Variants in SLIT2 observed in about 807,000 individuals in gnomAD.
SLIT2 encodes slit guidance ligand 2.
In SLIT2, 41 loss-of-function variants were observed where a neutral mutation model predicts 185.7. The ratio of observed to expected loss-of-function variants is 0.22; its 90% CI spans 0.17 to 0.29. The LOEUF is 0.29. Among genes scored for constraint, SLIT2 ranks in the 10% least tolerant of loss-of-function variants. SLIT2 has a pLI of 1.00. For synonymous variants in SLIT2, 693 were observed against 680.2 expected (o/e 1.02, Z -0.29); for missense variants, 1,571 against 1,909.0 (o/e 0.82, Z 3.30).
intron 9 of SLIT2, among the ~76,000 whole-genome samples, chr4:20,495,518 C>T (rs1271462100): frequency 6.6e-6 from 1 of 152,074 alleles, no homozygotes; most frequent in Non-Finnish European, 1.5e-5. Flanking sequence ...CTTATGTAGT[C>T]TATTTTATTT....
intron 4 of SLIT2, among the ~76,000 whole-genome samples, chr4:20,459,423 G>T (rs1016278401): frequency 2.0e-5 from 3 of 152,126 alleles, no homozygotes; most frequent in Non-Finnish European, 4.4e-5. Flanking sequence ...ATAGGAGTGA[G>T]GGTGAGAAAA....
chr4:20,551,272 T>C (rs1723721054), intron 25 of SLIT2, among the ~76,000 whole-genome samples: 1 of 152,190 alleles, frequency 6.6e-6, no homozygotes, highest in East Asian at 1.9e-4. Context: ...TATCACCTTC[T>C]CTATGAAGCC....
intron 5 of SLIT2, among the ~76,000 whole-genome samples, chr4:20,471,659 A>T (rs1715033082): frequency 6.6e-6 from 1 of 152,196 alleles, no homozygotes; most frequent in Non-Finnish European, 1.5e-5. Flanking sequence ...CTTAGAGCAA[A>T]TTCCAGTGTT....
chr4:20,515,386 ATTCTT>A (rs1553916019), intron 11 of SLIT2, among the ~76,000 whole-genome samples: 1 of 151,984 alleles, frequency 6.6e-6, no homozygotes, highest in Non-Finnish European at 1.5e-5. Context: ...CTCTTTTCCC[ATTCTT>A]TTCATTAGCC....
chr4:20,327,278 G>A (rs1302391714), intron 4 of SLIT2, among the ~76,000 whole-genome samples: 1 of 151,986 alleles, frequency 6.6e-6, no homozygotes, highest in African/African-American at 2.4e-5. Flanking sequence ...AATTGAGAAT[G>A]ATACCTTTCC....
chr4:20,527,532 G>T (rs1247106977), intron 15 of SLIT2, among the ~76,000 whole-genome samples: 1 of 152,096 alleles, frequency 6.6e-6, no homozygotes, highest in Non-Finnish European at 1.5e-5. Context: ...TGATCCGCCC[G>T]CCTTGGCCTC....
At chr4:20,463,458 T>G (rs1238753366) in intron 4 of SLIT2, among the ~76,000 whole-genome samples, 515 of 49,952 alleles carry the variant, frequency 0.01, 12 homozygotes, top group African/African-American at 0.031. Flanking sequence ...GATATATATA[T>G]ATATATATAT....
intron 30 of SLIT2, among the ~76,000 whole-genome samples, chr4:20,592,829 T>C (rs1006960723): frequency 2.0e-5 from 3 of 152,212 alleles, no homozygotes; most frequent in African/African-American, 7.2e-5. Flanking sequence ...TTTACTTTGC[T>C]TTGCTATGAT....
intron 4 of SLIT2, among the ~76,000 whole-genome samples, chr4:20,467,104 CAATT>C (rs1261997587): frequency 1.3e-5 from 2 of 152,052 alleles, no homozygotes; most frequent in African/African-American, 4.8e-5. Flanking sequence ...ATGTATTTCT[CAATT>C]AAATTAAAAT....
At chr4:20,582,731 A>T (rs745617327) in intron 29 of SLIT2, among the ~76,000 whole-genome samples, 1 of 152,180 alleles carries the variant, frequency 6.6e-6, no homozygotes, top group Non-Finnish European at 1.5e-5. Flanking sequence ...TTAAGTTAAG[A>T]ACTTTTACCT....
At chr4:20,358,986 A>G (rs1435826992) in intron 4 of SLIT2, among the ~76,000 whole-genome samples, 1 of 152,118 alleles carries the variant, frequency 6.6e-6, no homozygotes, top group Non-Finnish European at 1.5e-5. Flanking sequence ...TGATATATAT[A>G]ATGGTATTTC....
At chr4:20,348,374 G>A (rs918769376) in intron 4 of SLIT2, among the ~76,000 whole-genome samples, 2 of 151,176 alleles carry the variant, frequency 1.3e-5, no homozygotes. Context: ...AAGTAGCCGG[G>A]ACTACAGGCA....
intron 4 of SLIT2, among the ~76,000 whole-genome samples, chr4:20,315,160 G>T (rs1351400089): frequency 6.6e-6 from 1 of 152,086 alleles, no homozygotes; most frequent in Non-Finnish European, 1.5e-5. Context: ...ATGACAAAAA[G>T]CTAGGAATAA....
chr4:20,529,130 G>A, intron 16 of SLIT2, 31 bp downstream of exon 16: 5 of 1,528,338 alleles, frequency 3.3e-6, no homozygotes, highest in Non-Finnish European at 4.5e-6. Flanking sequence ...AATTCTGGTT[G>A]GGATGGAGGG....
chr4:20,528,835 A>C lies in SLIT2; in HGVS notation c.1463-114A>C. The stretch of plus-strand genomic sequence containing the variant: ...TGACATCCATTGACCAAAATACCCC[A>C]AGTTGTCTCCCTGCTACATAATCTA... On this transcript the variant is annotated intron_variant, in intron 15 of 36. Coordinates refer to ENST00000504154, the MANE Select transcript of SLIT2 (RefSeq NM_004787.4). This position sits in a 1 kb window ranked among gnomAD's most constrained non-coding sequence, Gnocchi z 4.2. 1 of 775,868 alleles carries C rather than the reference A, an allele frequency of 1.3e-6. No individual in the cohort carries two copies. The allele number at this position is 775,868 out of a possible 1,614,324, so 48.1% of individuals were successfully genotyped here.
intron 9 of SLIT2, among the ~76,000 whole-genome samples, chr4:20,505,146 A>C (rs963993111): frequency 6.6e-6 from 1 of 152,122 alleles, no homozygotes; most frequent in Non-Finnish European, 1.5e-5. Flanking sequence ...AAGAAATAAA[A>C]TACCATATTT....
At chr4:20,359,850 GA>G (rs1722600837) in intron 4 of SLIT2, among the ~76,000 whole-genome samples, 1 of 152,106 alleles carries the variant, frequency 6.6e-6, no homozygotes, top group Non-Finnish European at 1.5e-5. Flanking sequence ...CTTGAAGCAG[GA>G]AGTAGATTTA....
At chr4:20,264,163 G>T (rs1158295271) in intron 3 of SLIT2, among the ~76,000 whole-genome samples, 1 of 151,866 alleles carries the variant, frequency 6.6e-6, no homozygotes, top group Admixed American at 6.6e-5. Flanking sequence ...CACTGCTGAA[G>T]ATGTAAACTT....
intron 4 of SLIT2, among the ~76,000 whole-genome samples, chr4:20,293,437 G>A (rs1373877190): frequency 6.6e-6 from 1 of 152,168 alleles, no homozygotes; most frequent in Non-Finnish European, 1.5e-5. Flanking sequence ...ATTGTATGGT[G>A]GGTTTGGGTG....
Sources: allele counts gnomAD v4.1 joint callset (sites outside exome capture counted in the v4.1 genomes callset), GRCh38; gene constraint gnomAD v4.1.1; non-coding constraint Gnocchi (gnomAD v3.1); transcripts MANE v1.5; gene names NCBI Gene and HGNC (gene_info 2026-07-23, HGNC 2026-07-21).